The following TMEM163 variants were observed in gnomAD, a reference collection of about 807,000 sequenced individuals.
TMEM163 encodes the protein transmembrane protein 163.
In TMEM163, 17 loss-of-function variants were observed where a neutral mutation model predicts 29.3. That is an observed-to-expected ratio of 0.58 (90% confidence interval 0.40 to 0.87). The LOEUF (loss-of-function observed/expected upper bound fraction) is 0.87, where lower values mean the gene tolerates loss of function less well. Ranked by LOEUF, TMEM163 falls within the 40% of genes least tolerant of loss-of-function variation. The pLI, the probability that TMEM163 is intolerant of heterozygous loss-of-function variation, is 0.00. For synonymous variants in TMEM163, 157 were observed against 160.6 expected (o/e 0.98, Z 0.17); for missense variants, 303 against 381.5 (o/e 0.79, Z 1.71).
intron 2 of TMEM163, among the ~76,000 whole-genome samples, chr2:134,572,489 C>T (rs1681454401): frequency 6.6e-6 from 1 of 152,194 alleles, no homozygotes; most frequent in Non-Finnish European, 1.5e-5. Flanking sequence ...AGTTCATTAC[C>T]ACCTTAATTA....
intron 2 of TMEM163, among the ~76,000 whole-genome samples, chr2:134,559,156 A>AGGT (rs1681112509): frequency 6.6e-6 from 1 of 152,064 alleles, no homozygotes; most frequent in Non-Finnish European, 1.5e-5. Flanking sequence ...TGCCAATGCT[A>AGGT]CGTTCAGATG....
chr2:134,708,016 A>G (rs1684856315), intron 2 of TMEM163, among the ~76,000 whole-genome samples: 1 of 151,562 alleles, frequency 6.6e-6, no homozygotes, highest in South Asian at 2.1e-4. Flanking sequence ...CCTCCCAAGT[A>G]GCTGGGATAA....
chr2:134,636,021 T>A (rs1263040440), intron 2 of TMEM163, among the ~76,000 whole-genome samples: 1 of 152,202 alleles, frequency 6.6e-6, no homozygotes, highest in Non-Finnish European at 1.5e-5. Context: ...TCCTGCCTCA[T>A]GCATCTCTGC....
intron 2 of TMEM163, among the ~76,000 whole-genome samples, chr2:134,696,462 T>C (rs12691872): frequency 0.31 from 47,070 of 152,080 alleles, 9,560 homozygotes; most frequent in African/African-American, 0.57. Flanking sequence ...CTTAGTGAAA[T>C]TGCATGTATT....
chr2:134,490,750 A>C (rs1488656328), intron 5 of TMEM163, among the ~76,000 whole-genome samples: 1 of 152,196 alleles, frequency 6.6e-6, no homozygotes, highest in Non-Finnish European at 1.5e-5. Context: ...AGGCTGGAAC[A>C]CATGTCACAT....
At chr2:134,472,639 C>T (rs1686830705) in intron 5 of TMEM163, among the ~76,000 whole-genome samples, 1 of 152,214 alleles carries the variant, frequency 6.6e-6, no homozygotes, top group African/African-American at 2.4e-5. Flanking sequence ...AATGACGGCA[C>T]ATATGGGCCA....
At chr2:134,489,291 G>T (rs1166327356) in intron 5 of TMEM163, among the ~76,000 whole-genome samples, 1 of 152,048 alleles carries the variant, frequency 6.6e-6, no homozygotes, top group African/African-American at 2.4e-5. Context: ...GTTGCAGTGT[G>T]GGCCAGGCGT....
intron 2 of TMEM163, among the ~76,000 whole-genome samples, chr2:134,583,456 C>T (rs946073434): frequency 6.6e-6 from 1 of 152,108 alleles, no homozygotes; most frequent in Admixed American, 6.5e-5. Flanking sequence ...TCCTAGAGTT[C>T]GAAGAAACAA....
chr2:134,639,121 G>GA (rs915379877), intron 2 of TMEM163, among the ~76,000 whole-genome samples: 23 of 152,224 alleles, frequency 1.5e-4, no homozygotes, highest in African/African-American at 5.1e-4. Context: ...AACACAACCT[G>GA]AAAAAACACC....
At chr2:134,679,682 G>A (rs562672966) in intron 2 of TMEM163, among the ~76,000 whole-genome samples, 6 of 152,100 alleles carry the variant, frequency 3.9e-5, no homozygotes, top group African/African-American at 1.4e-4. Context: ...CTTAAGATAG[G>A]GATAACTAAA....
At chr2:134,614,164 A>G (rs902260158) in intron 2 of TMEM163, among the ~76,000 whole-genome samples, 1 of 152,158 alleles carries the variant, frequency 6.6e-6, no homozygotes, top group African/African-American at 2.4e-5. Flanking sequence ...CTGGAAATAG[A>G]CCTATAAAAA....
chr2:134,604,913 C>T (rs1209459605), intron 2 of TMEM163, among the ~76,000 whole-genome samples: 2 of 152,170 alleles, frequency 1.3e-5, no homozygotes, highest in African/African-American at 4.8e-5. Context: ...GGTGCGGTGG[C>T]TCACACCTGT....
chr2:134,583,189 C>T (rs1326847820), intron 2 of TMEM163, among the ~76,000 whole-genome samples: 2 of 152,188 alleles, frequency 1.3e-5, no homozygotes, highest in Non-Finnish European at 2.9e-5. Flanking sequence ...CCTCATCCCA[C>T]GCTGGCAAGC....
chr2:134,506,293 CAG>C (rs1679822652), intron 4 of TMEM163, among the ~76,000 whole-genome samples: 1 of 152,194 alleles, frequency 6.6e-6, no homozygotes, highest in African/African-American at 2.4e-5. Flanking sequence ...GCCTGTATGT[CAG>C]AGTGTCTCCA....
At chr2:134,585,607 T>C (rs1418256244) in intron 2 of TMEM163, among the ~76,000 whole-genome samples, 1 of 151,982 alleles carries the variant, frequency 6.6e-6, no homozygotes, top group Non-Finnish European at 1.5e-5. Flanking sequence ...CCGGGCGCGG[T>C]GGCGGGCACC....
chr2:134,629,522 C>T (rs932902184), intron 2 of TMEM163, among the ~76,000 whole-genome samples: 5 of 152,170 alleles, frequency 3.3e-5, no homozygotes, highest in African/African-American at 1.2e-4. Flanking sequence ...CAAGGGGGGA[C>T]TATTTCTGGT....
At chr2:134,623,244 T>C (rs1191779468) in intron 2 of TMEM163, among the ~76,000 whole-genome samples, 6 of 152,188 alleles carry the variant, frequency 3.9e-5, no homozygotes, top group Non-Finnish European at 8.8e-5. Context: ...TTTGTATATA[T>C]GTGGGGATTT....
At chr2:134,686,311 C>T (rs1684349250) in intron 2 of TMEM163, among the ~76,000 whole-genome samples, 1 of 152,178 alleles carries the variant, frequency 6.6e-6, no homozygotes, top group African/African-American at 2.4e-5. Context: ...GGAGAGGAGG[C>T]CATGAATATG....
At chr2:134,600,914 T>C (rs1682214622) in intron 2 of TMEM163, among the ~76,000 whole-genome samples, 1 of 152,122 alleles carries the variant, frequency 6.6e-6, no homozygotes, top group African/African-American at 2.4e-5. Flanking sequence ...CAAAGACAAC[T>C]TTAGGTCTCA....
Sources: gnomAD v4.1 joint callset for allele counts (sites outside exome capture counted in the v4.1 genomes callset) on GRCh38, gnomAD v4.1.1 for gene constraint, MANE v1.5 for transcripts, NCBI Gene and HGNC (gene_info 2026-07-23, HGNC 2026-07-21) for gene names.